CWC27: variants seen among roughly 807,000 people sequenced by gnomAD.
CWC27 encodes the protein CWC27 spliceosome associated cyclophilin, also known as spliceosome-associated protein CWC27 homolog.
In CWC27, 47 loss-of-function variants were observed where a neutral mutation model predicts 63.6. The ratio of observed to expected loss-of-function variants is 0.74; its 90% CI spans 0.58 to 0.94. CWC27 has a LOEUF of 0.94. Among genes scored for constraint, CWC27 ranks in the 40% least tolerant of loss-of-function variants. The probability of loss-of-function intolerance (pLI) is 0.00; values close to 1 mark genes in which losing one functional copy is unlikely to be tolerated. For synonymous variants in CWC27, 175 were observed against 179.8 expected (o/e 0.97, Z 0.22); for missense variants, 495 against 554.3 (o/e 0.89, Z 1.07).
chr5:64,823,970 A>G (rs895316241), intron 10 of CWC27, among the ~76,000 whole-genome samples: 7 of 152,218 alleles, frequency 4.6e-5, no homozygotes, highest in South Asian at 4.1e-4. Context: ...TGTTTATAAT[A>G]AAAACTTTAT....
chr5:64,784,952 T>C (rs886079576), intron 4 of CWC27, among the ~76,000 whole-genome samples: 2 of 152,196 alleles, frequency 1.3e-5, no homozygotes, highest in Non-Finnish European at 2.9e-5. Context: ...AATTGGGTTA[T>C]ATAACTAACA....
intron 13 of CWC27, among the ~76,000 whole-genome samples, chr5:65,010,443 G>C (rs1207575717): frequency 1.4e-4 from 22 of 152,152 alleles, no homozygotes; most frequent in Non-Finnish European, 3.2e-4. Context: ...ACTTAAATCA[G>C]ATTCATTAAA....
intron 13 of CWC27, among the ~76,000 whole-genome samples, chr5:65,005,465 G>A (rs1749825668): frequency 6.6e-6 from 1 of 152,038 alleles, no homozygotes; most frequent in African/African-American, 2.4e-5. Context: ...CTTAACCTCA[G>A]GCCCCTGGAT....
intron 11 of CWC27, among the ~76,000 whole-genome samples, chr5:64,900,462 C>T (rs1400616115): frequency 2.6e-5 from 4 of 152,016 alleles, no homozygotes; most frequent in African/African-American, 7.2e-5. Context: ...GATACAAATC[C>T]TTTATCAGAT....
intron 10 of CWC27, among the ~76,000 whole-genome samples, chr5:64,849,960 T>G (rs1218202398): frequency 6.6e-6 from 1 of 152,174 alleles, no homozygotes; most frequent in East Asian, 1.9e-4. Context: ...GGTAGTTCTT[T>G]ATAGCAGTGT....
At position 64,769,160 on chromosome 5, in the gene CWC27, ACATC is replaced by A. The variant is rs2112128704; in HGVS notation, c.17_20del (p.Ile6ArgfsTer11). Reference sequence around the variant, plus strand: ...GTACTGACCAAGATGAGCAACATCTACATCCAGGAGCCTCCCACGAATGGGAAGG... The same window carrying A: ...GTACTGACCAAGATGAGCAACATCTACAGGAGCCTCCCACGAATGGGAAGG... On this transcript the variant is annotated frameshift_variant, in exon 1 of 14. Coordinates refer to ENST00000381070, the MANE Select transcript of CWC27 (RefSeq NM_005869.4). LOFTEE classifies it high-confidence loss of function. 6.2e-7 allele frequency: 1 copy of A among 1,614,136 alleles called. No individual in the cohort carries two copies. Among genetic ancestry groups the A allele is most frequent in the Non-Finnish European group, 8.5e-7 (1 of 1,180,008 alleles).
chr5:64,861,794 A>T (rs912968284), intron 10 of CWC27, among the ~76,000 whole-genome samples: 24 of 152,334 alleles, frequency 1.6e-4, no homozygotes, highest in African/African-American at 5.3e-4. Flanking sequence ...GCCTTACATT[A>T]TACTTCCATG....
intron 13 of CWC27, among the ~76,000 whole-genome samples, chr5:64,991,633 G>A (rs1309556): frequency 0.45 from 68,184 of 152,006 alleles, 15,466 homozygotes; most frequent in African/African-American, 0.47. Context: ...AGCTGAGGTC[G>A]GAGGATCACT....
chr5:65,005,692 T>C (rs1234931944), intron 13 of CWC27, among the ~76,000 whole-genome samples: 1 of 152,208 alleles, frequency 6.6e-6, no homozygotes. Context: ...TAAACCTCTC[T>C]AAACCCTGTA....
At chr5:64,948,192 C>T (rs1291344036) in intron 11 of CWC27, among the ~76,000 whole-genome samples, 1 of 151,956 alleles carries the variant, frequency 6.6e-6, no homozygotes, top group Non-Finnish European at 1.5e-5. Flanking sequence ...TAGTAATTCA[C>T]TGGTGGGTTA....
intron 11 of CWC27, among the ~76,000 whole-genome samples, chr5:64,970,812 G>C (rs1749111700): frequency 6.6e-6 from 1 of 151,966 alleles, no homozygotes; most frequent in African/African-American, 2.4e-5. Context: ...ATTGTTAATA[G>C]ATTGCATATT....
At chr5:65,012,886 A>AT (rs913982495) in intron 13 of CWC27, among the ~76,000 whole-genome samples, 3 of 151,964 alleles carry the variant, frequency 2.0e-5, no homozygotes, top group Admixed American at 6.6e-5. Flanking sequence ...AACTAGGAAC[A>AT]TTTTTTTTAA....
intron 13 of CWC27, among the ~76,000 whole-genome samples, chr5:64,980,903 C>T (rs1281837965): frequency 6.6e-6 from 1 of 152,140 alleles, no homozygotes; most frequent in Non-Finnish European, 1.5e-5. Flanking sequence ...ACCAGCCTGG[C>T]CAACATGGCG....
At position 64,866,834 on chromosome 5, in the gene CWC27, G is replaced by A. The variant is rs561601109; in HGVS notation, c.939-18609G>A. ...TTAGAATATTGTCAATCTTGAGACC[G>A]TTTCATATGCATTTGAGAAGAATGT... is the stretch of plus-strand genomic sequence containing the variant. On this transcript the variant is annotated intron_variant, in intron 10 of 13. Transcript: ENST00000381070. Among the ~76,000 whole-genome samples the A allele has an allele frequency of 5.9e-5, 9 of 152,032 alleles. No homozygotes were observed. In the South Asian group the frequency reaches 1.7e-3, roughly 28 times the overall value.
At chr5:64,945,718 C>T (rs750946691) in intron 11 of CWC27, among the ~76,000 whole-genome samples, 2 of 152,124 alleles carry the variant, frequency 1.3e-5, no homozygotes, top group Non-Finnish European at 2.9e-5. Flanking sequence ...TGCCTGACAG[C>T]AACTGTAGTC....
At chr5:64,785,415 G>A (rs533883556) in intron 4 of CWC27, 66 bp from the exon 5 acceptor site, 1 of 720,454 alleles carries the variant, frequency 1.4e-6, no homozygotes, top group East Asian at 3.0e-5. Flanking sequence ...TGTTTTCAAA[G>A]GTTTTCTCTT....
intron 10 of CWC27, among the ~76,000 whole-genome samples, chr5:64,841,928 C>T (rs559430551): frequency 3.8e-4 from 58 of 152,282 alleles, no homozygotes; most frequent in African/African-American, 1.3e-3. Context: ...TATCCGCTCA[C>T]CTTGGCCTCC....
At chr5:64,840,159 T>G (rs1745764876) in intron 10 of CWC27, among the ~76,000 whole-genome samples, 1 of 151,314 alleles carries the variant, frequency 6.6e-6, no homozygotes, top group Admixed American at 6.6e-5. Flanking sequence ...TGGCTTAGTG[T>G]GCCAAGTAGA....
rs1303049610 is a variant in CWC27 at position 64,800,414 on chromosome 5, C to T, written c.749+87C>T. On this transcript the variant is annotated intron_variant, in intron 8 of 13. Transcript: ENST00000381070. ...TTCTTCTGTGAGTAAACAGTCAGTC[C>T]TCATAAGTCAAAAATTTTTAAGCCA... 7.9e-6 allele frequency: 7 copies of T among 887,528 alleles called. No individual in the cohort carries two copies. The Admixed American group carries it at 2.0e-4, about 25-fold the overall frequency. The allele number at this position is 887,528 out of a possible 1,614,324, so 55.0% of individuals were successfully genotyped here.
Sources: allele counts gnomAD v4.1 joint callset (sites outside exome capture counted in the v4.1 genomes callset), GRCh38; gene constraint gnomAD v4.1.1; transcripts MANE v1.5; gene names NCBI Gene and HGNC (gene_info 2026-07-23, HGNC 2026-07-21).